The following MECOM variants were observed in gnomAD, a reference collection of about 807,000 sequenced individuals.
MECOM encodes MDS1 and EVI1 complex locus.
A neutral mutation model predicts 116.3 loss-of-function variants in MECOM; 13 were observed. That is an observed-to-expected ratio of 0.11 (90% CI 0.07 to 0.18). MECOM has a LOEUF of 0.18. MECOM is among the 10% of genes least tolerant of loss of function. The pLI is 1.00. For missense variants in MECOM, 1,299 were observed against 1,509.0 expected (o/e 0.86, Z 2.31); for synonymous variants, 528 against 535.2 (o/e 0.99, Z 0.19).
At chr3:169,223,990 AAGAGTGCTTC>A (rs149410414) in intron 2 of MECOM, among the ~76,000 whole-genome samples, 2,504 of 152,270 alleles carry the variant, frequency 0.016, 36 homozygotes, top group Non-Finnish European at 0.02. Context: ...CAAGAAAAGG[AAGAGTGCTTC>A]AGAATTTTTT....
chr3:169,567,426 G>A (rs932522258), intron 1 of MECOM, among the ~76,000 whole-genome samples: 1 of 152,130 alleles, frequency 6.6e-6, no homozygotes, highest in Non-Finnish European at 1.5e-5. Flanking sequence ...TCATGCATGA[G>A]GTACCACAAA....
chr3:169,188,367 T>A (rs965139466), intron 2 of MECOM, among the ~76,000 whole-genome samples: 1 of 151,876 alleles, frequency 6.6e-6, no homozygotes, highest in Non-Finnish European at 1.5e-5. Context: ...AACAGAGAGA[T>A]AAATAGCAAA....
chr3:169,170,917 G>C (rs1429647587), intron 2 of MECOM, among the ~76,000 whole-genome samples: 1 of 152,064 alleles, frequency 6.6e-6, no homozygotes, highest in Non-Finnish European at 1.5e-5. Context: ...AATCCACTGG[G>C]CAGTGTTTCA....
intron 1 of MECOM, among the ~76,000 whole-genome samples, chr3:169,496,198 G>A (rs1753788400): frequency 1.3e-5 from 2 of 152,212 alleles, no homozygotes; most frequent in Admixed American, 6.5e-5. Flanking sequence ...GATGGGCAGA[G>A]TCTATCAGGA....
At chr3:169,296,050 A>T (rs546607960) in intron 2 of MECOM, among the ~76,000 whole-genome samples, 3 of 152,314 alleles carry the variant, frequency 2.0e-5, no homozygotes, top group South Asian at 2.1e-4. Flanking sequence ...TTAGCACTCA[A>T]GAATAGGTTC....
At chr3:169,594,178 A>AAAAAACAACTT (rs1553894686) in intron 1 of MECOM, among the ~76,000 whole-genome samples, 1 of 138,598 alleles carries the variant, frequency 7.2e-6, no homozygotes, top group Admixed American at 7.2e-5. Context: ...AAAAAAAAAC[A>AAAAAACAACTT]CCTTTTCACC....
At chr3:169,298,814 CCGAATGT>C (rs1339816047) in intron 2 of MECOM, among the ~76,000 whole-genome samples, 2 of 152,156 alleles carry the variant, frequency 1.3e-5, no homozygotes, top group Non-Finnish European at 2.9e-5. Flanking sequence ...TGCAGGATGA[CCGAATGT>C]GTGGTTTCAG....
At chr3:169,330,186 C>T (rs1232120090) in intron 2 of MECOM, among the ~76,000 whole-genome samples, 2 of 152,064 alleles carry the variant, frequency 1.3e-5, no homozygotes, top group African/African-American at 4.8e-5. Flanking sequence ...CCACCACGAC[C>T]AGCTAATTTT....
intron 1 of MECOM, among the ~76,000 whole-genome samples, chr3:169,571,207 A>C (rs892294742): frequency 6.6e-6 from 1 of 152,236 alleles, no homozygotes; most frequent in Non-Finnish European, 1.5e-5. Flanking sequence ...ATAGACAAAC[A>C]GAAAGCTAAA....
intron 2 of MECOM, among the ~76,000 whole-genome samples, chr3:169,173,803 A>G (rs1478868429): frequency 6.6e-6 from 1 of 152,214 alleles, no homozygotes; most frequent in Non-Finnish European, 1.5e-5. Context: ...GACTATCTGT[A>G]TGTGACTACC....
At chr3:169,570,439 A>T (rs1337563591) in intron 1 of MECOM, among the ~76,000 whole-genome samples, 1 of 152,216 alleles carries the variant, frequency 6.6e-6, no homozygotes, top group Non-Finnish European at 1.5e-5. Flanking sequence ...ATTCCTTCTG[A>T]AACTATTCCA....
intron 2 of MECOM, among the ~76,000 whole-genome samples, chr3:169,267,382 A>C (rs1758439781): frequency 6.6e-6 from 1 of 152,160 alleles, no homozygotes; most frequent in African/African-American, 2.4e-5. Context: ...ACCTCTCTTT[A>C]CATCTCATGG....
intron 2 of MECOM, among the ~76,000 whole-genome samples, chr3:169,360,909 A>C (rs1385595301): frequency 6.6e-6 from 1 of 151,790 alleles, no homozygotes; most frequent in Non-Finnish European, 1.5e-5. Context: ...AAGCATGCGG[A>C]TCTTCCCCTA....
chr3:169,319,085 G>A (rs1413567373), intron 2 of MECOM, among the ~76,000 whole-genome samples: 2 of 148,286 alleles, frequency 1.3e-5, no homozygotes, highest in Non-Finnish European at 3.0e-5. Context: ...GTGACAGAGT[G>A]AGACTCTGTC....
In MECOM at chr3:169,115,945, T is replaced by C. The variant is rs767653273; in HGVS notation, c.1927A>G (p.Ile643Val). 1.9e-6 allele frequency: 3 copies of C among 1,614,094 alleles called. No homozygotes were observed. Among genetic ancestry groups the C allele is most frequent in the Non-Finnish European group, 2.5e-6 (3 of 1,180,014 alleles). ...TGCTCCTCTAAAGATGGTGAGAAAA[T>C]GGAATGATTGCTGTATTCTTTCTTA... ...NNKKEYSNHS[I>V]FSPSLEEQTA... is the part of the protein sequence containing the mutation. The change falls in exon 8 of 17, where the codon ATT (isoleucine) becomes GTT (valine). Residue 643 changes from isoleucine to valine, a missense_variant. Around this residue, in one of 6 missense-constraint regions of MECOM, gnomAD observed 238 missense variants for 273.1 expected, o/e 0.87. Coordinates refer to ENST00000651503, the MANE Select transcript of MECOM (RefSeq NM_004991.4).
intron 11 of MECOM, among the ~76,000 whole-genome samples, chr3:169,101,856 C>T (rs1341038591): frequency 6.6e-6 from 1 of 152,116 alleles, no homozygotes; most frequent in Non-Finnish European, 1.5e-5. Flanking sequence ...AACCAAATGT[C>T]CTGTGTTAAA....
rs114659192 is a variant in MECOM at position 169,431,980 on chromosome 3, T to C, written c.38-50456A>G. Among the ~76,000 whole-genome samples, 648 of 151,842 alleles carry C rather than the reference T, an allele frequency of 4.3e-3. 5 individuals are homozygous for C. The highest frequency in any genetic ancestry group is 0.015 in the African/African-American group (622 of 41,326). On this transcript the variant is annotated intron_variant, in intron 1 of 16. Coordinates refer to ENST00000651503, the MANE Select transcript of MECOM (RefSeq NM_004991.4). ...TTCAAGATAAATCAGAAATTTGGAT[T>C]TTGGGGTGAGGTTTTTCACCTTTTT...
At chr3:169,423,184 C>A (rs1158374349) in intron 1 of MECOM, among the ~76,000 whole-genome samples, 1 of 152,022 alleles carries the variant, frequency 6.6e-6, no homozygotes, top group East Asian at 1.9e-4. Flanking sequence ...AGTAGCAAGA[C>A]TCACTAAGAA....
At chr3:169,603,957 C>G (rs1261968735) in intron 1 of MECOM, among the ~76,000 whole-genome samples, 3 of 152,090 alleles carry the variant, frequency 2.0e-5, no homozygotes, top group Admixed American at 6.6e-5. Flanking sequence ...TCTGAAGAAG[C>G]TTTTTGGCAC....
Sources: gnomAD v4.1 joint callset for allele counts (sites outside exome capture counted in the v4.1 genomes callset) on GRCh38, gnomAD v4.1.1 for gene constraint, gnomAD v4.1.1 regional missense constraint, MANE v1.5 for transcripts, NCBI Gene and HGNC (gene_info 2026-07-23, HGNC 2026-07-21) for gene names.